The following NELL2 variants were observed in gnomAD, a reference collection of about 807,000 sequenced individuals.
NELL2 encodes the protein protein kinase C-binding protein NELL2.
A neutral mutation model predicts 109.6 loss-of-function variants in NELL2; 41 were observed. The ratio of observed to expected loss-of-function variants is 0.37; its 90% CI spans 0.29 to 0.49. The LOEUF (loss-of-function observed/expected upper bound fraction) is 0.49, where lower values mean the gene tolerates loss of function less well. Among genes scored for constraint, NELL2 ranks in the 20% least tolerant of loss-of-function variants. The probability of loss-of-function intolerance (pLI) is 0.98; values close to 1 mark genes in which losing one functional copy is unlikely to be tolerated. For synonymous variants in NELL2, 355 were observed against 344.7 expected, an observed-to-expected ratio of 1.03 and a Z score of -0.33; for missense variants, 900 against 1,008.3, an observed-to-expected ratio of 0.89 and a Z score of 1.45.
At chr12:44,558,598 G>A (rs887267067) in intron 15 of NELL2, among the ~76,000 whole-genome samples, 1 of 152,168 alleles carries the variant, frequency 6.6e-6, no homozygotes, top group Non-Finnish European at 1.5e-5. Context: ...CCCTCCCTAA[G>A]GGAAGCTGTG....
At chr12:44,810,705 T>A (rs1456511517) in intron 3 of NELL2, among the ~76,000 whole-genome samples, 1 of 152,100 alleles carries the variant, frequency 6.6e-6, no homozygotes, top group Non-Finnish European at 1.5e-5. Flanking sequence ...ATGAGCTTCA[T>A]TTTCTTCTTT....
Position 44,776,054 on chromosome 12 carries a change from A to G in NELL2, c.859T>C (p.Trp287Arg). Residue 287 changes from tryptophan (W) to arginine (R), a missense_variant, in exon 8 of 20, where the codon TGG becomes CGG. Trp to Arg is a moderately radical substitution (Grantham distance 101). Around this residue, in one of 4 missense-constraint regions of NELL2, gnomAD observed 292 missense variants for 265.3 expected, o/e 1.10. Transcript: ENST00000429094. ...GTGCAGTTCTTACAGCCGTCTATCC[A>G]GGACTCAAATTCTCGGTAGGTGGTT... ...KGTTYREFES[W>R]IDGCKNCTCL... 1 of 1,614,076 alleles carries G rather than the reference A, an allele frequency of 6.2e-7. No individual in the cohort carries two copies. The highest frequency in any genetic ancestry group is 8.5e-7 in the Non-Finnish European group (1 of 1,179,968).
At chr12:44,586,334 A>T (rs1428128075) in intron 15 of NELL2, among the ~76,000 whole-genome samples, 1 of 150,456 alleles carries the variant, frequency 6.6e-6, no homozygotes, top group Non-Finnish European at 1.5e-5. Context: ...AATCATATAT[A>T]TCGTATGTAT....
At chr12:44,617,305 T>G (rs1945855112) in intron 13 of NELL2, among the ~76,000 whole-genome samples, 1 of 152,060 alleles carries the variant, frequency 6.6e-6, no homozygotes, top group South Asian at 2.1e-4. Context: ...ACAGGCTTGG[T>G]TTAGATGCCA....
chr12:44,837,971 T>C (rs868610115), intron 2 of NELL2, among the ~76,000 whole-genome samples: 1 of 152,206 alleles, frequency 6.6e-6, no homozygotes, highest in African/African-American at 2.4e-5. Context: ...GAATAGTTTC[T>C]AAAGATGTGA....
At chr12:44,888,758 G>C (rs1349357415) in intron 1 of NELL2, among the ~76,000 whole-genome samples, 2 of 151,694 alleles carry the variant, frequency 1.3e-5, no homozygotes, top group Non-Finnish European at 2.9e-5. Context: ...AACATGGGAG[G>C]GGATTAGGTT....
intron 3 of NELL2, among the ~76,000 whole-genome samples, chr12:44,801,988 T>C (rs1328668475): frequency 6.6e-6 from 1 of 152,176 alleles, no homozygotes; most frequent in African/African-American, 2.4e-5. Flanking sequence ...CACGATAGTA[T>C]AAAGCCTTCC....
intron 12 of NELL2, among the ~76,000 whole-genome samples, chr12:44,681,789 T>C (rs1319161605): frequency 6.6e-6 from 1 of 152,152 alleles, no homozygotes; most frequent in Non-Finnish European, 1.5e-5. Flanking sequence ...GGTGTATATG[T>C]GCCACATTTT....
chr12:44,758,809 A>T (rs558841036), intron 9 of NELL2, among the ~76,000 whole-genome samples: 1 of 152,318 alleles, frequency 6.6e-6, no homozygotes, highest in Admixed American at 6.5e-5. Flanking sequence ...CATGACTGAA[A>T]TTCAAAGGGT....
At chr12:44,855,717 G>A (rs1180803838) in intron 2 of NELL2, among the ~76,000 whole-genome samples, 2 of 152,064 alleles carry the variant, frequency 1.3e-5, no homozygotes, top group African/African-American at 2.4e-5. Context: ...TGTTGAATTC[G>A]CAATACTTCA....
intron 13 of NELL2, among the ~76,000 whole-genome samples, chr12:44,661,581 G>C (rs1209531200): frequency 6.6e-6 from 1 of 152,016 alleles, no homozygotes; most frequent in East Asian, 1.9e-4. Flanking sequence ...TTCCATCTTT[G>C]TTTCTAGAGA....
In NELL2 at chr12:44,610,840, C is replaced by A. The variant is rs1592203448; in HGVS notation, c.1567+8G>T. 1.2e-6 allele frequency: 2 copies of A among 1,612,688 alleles called. No individual in the cohort carries two copies. Among genetic ancestry groups the A allele is most frequent in the South Asian group, 2.2e-5 (2 of 91,044 alleles). On this transcript the variant is annotated splice_region_variant and intron_variant, in intron 14 of 19. Transcript: ENST00000429094. ...AATGGAAGAGGCACTGGCATTTAAA[C>A]CTTTTACCTTTGCATGTCGTTCCAT...
intron 1 of NELL2, among the ~76,000 whole-genome samples, chr12:44,890,283 A>G (rs375921646): frequency 1.3e-5 from 2 of 152,184 alleles, no homozygotes; most frequent in African/African-American, 4.8e-5. Context: ...TCCTTTCCCT[A>G]TACAGGCTGA....
chr12:44,525,341 A>G (rs913216964), intron 16 of NELL2, among the ~76,000 whole-genome samples: 26 of 152,252 alleles, frequency 1.7e-4, no homozygotes, highest in Non-Finnish European at 3.4e-4. Context: ...TAATAAAGAA[A>G]TAGAGTAAAA....
intron 9 of NELL2, among the ~76,000 whole-genome samples, chr12:44,722,577 T>C (rs1398424469): frequency 2.6e-5 from 4 of 152,084 alleles, no homozygotes; most frequent in African/African-American, 9.7e-5. Flanking sequence ...GGTAACTAAA[T>C]ATAACTCAGA....
chr12:44,755,077 G>T (rs1157497270), intron 9 of NELL2, among the ~76,000 whole-genome samples: 1 of 152,030 alleles, frequency 6.6e-6, no homozygotes, highest in Non-Finnish European at 1.5e-5. Flanking sequence ...CCTCCTCACT[G>T]CCAAACTCAC....
chr12:44,793,370 T>A (rs1049948458), intron 3 of NELL2, among the ~76,000 whole-genome samples: 4 of 152,326 alleles, frequency 2.6e-5, no homozygotes, highest in Non-Finnish European at 5.9e-5. Flanking sequence ...ATGAGTTCTA[T>A]AATAATAAAG....
chr12:44,544,373 T>A (rs1300643120), intron 15 of NELL2, among the ~76,000 whole-genome samples: 6 of 152,160 alleles, frequency 3.9e-5, no homozygotes, highest in Non-Finnish European at 7.4e-5. Context: ...TTATCTCAAC[T>A]AAGGTTTCAG....
chr12:44,626,368 T>C (rs542116815), intron 13 of NELL2, among the ~76,000 whole-genome samples: 1 of 152,320 alleles, frequency 6.6e-6, no homozygotes, highest in Non-Finnish European at 1.5e-5. Context: ...GAGATGCTAT[T>C]AATTCACAGG....
Sources: gnomAD v4.1 joint callset for allele counts (sites outside exome capture counted in the v4.1 genomes callset) on GRCh38, gnomAD v4.1.1 for gene constraint, gnomAD v4.1.1 regional missense constraint, MANE v1.5 for transcripts, NCBI Gene and HGNC (gene_info 2026-07-23, HGNC 2026-07-21) for gene names.